SPECC1L: variants seen among roughly 807,000 people sequenced by gnomAD.
SPECC1L encodes cytospin-A.
In SPECC1L, 40 loss-of-function variants were observed where a neutral mutation model predicts 116.8. The observed-to-expected ratio is 0.34, with a 90% confidence interval of 0.27 to 0.45. The LOEUF is 0.45. SPECC1L is among the 20% of genes least tolerant of loss of function. The pLI is 1.00. For synonymous variants in SPECC1L, 504 were observed against 500.6 expected (o/e 1.01, Z -0.09); for missense variants, 1,110 against 1,373.6 (o/e 0.81, Z 3.03).
chr22:24,367,416 T>C (rs769505525), intron 13 of SPECC1L, among the ~76,000 whole-genome samples: 4 of 151,936 alleles, frequency 2.6e-5, no homozygotes, highest in Admixed American at 6.6e-5. Context: ...TCTTAAAATA[T>C]TATGAGATTT....
intron 13 of SPECC1L, among the ~76,000 whole-genome samples, chr22:24,366,462 G>A (rs1292865687): frequency 6.6e-6 from 1 of 152,092 alleles, no homozygotes; most frequent in Non-Finnish European, 1.5e-5. Flanking sequence ...CAAAGTGCTG[G>A]GATTACAGGT....
At position 24,401,395 on chromosome 22, in the gene SPECC1L, C is replaced by A. The variant is rs187653124; in HGVS notation, c.3088-10193C>A. Reference sequence around the variant, plus strand: ...CAGTTCATGTTTTTGGCAGAAACATCTCAGCTGTGGAGTTCTGTCCATTCG... The same window carrying A: ...CAGTTCATGTTTTTGGCAGAAACATATCAGCTGTGGAGTTCTGTCCATTCG... On this transcript the variant is annotated intron_variant, in intron 14 of 16. Coordinates refer to ENST00000314328, the MANE Select transcript of SPECC1L (RefSeq NM_015330.6). 5.9e-5 allele frequency among the ~76,000 whole-genome samples: 9 copies of A among 152,324 alleles called. No individual in the cohort carries two copies. The East Asian group carries it at 1.7e-3, about 29-fold the overall frequency.
chr22:24,378,324 G>A (rs1168666098), intron 14 of SPECC1L, among the ~76,000 whole-genome samples: 4 of 152,234 alleles, frequency 2.6e-5, no homozygotes, highest in African/African-American at 9.6e-5. Context: ...TTCAGCTTTG[G>A]CTTAAGGGAA....
intron 3 of SPECC1L, among the ~76,000 whole-genome samples, chr22:24,303,192 C>G (rs1452451730): frequency 6.6e-6 from 1 of 152,082 alleles, no homozygotes; most frequent in East Asian, 1.9e-4. Flanking sequence ...AGAAGGAACT[C>G]AGGAACAGCC....
rs760656737 is a variant in SPECC1L at position 24,321,844 on chromosome 22, G to A, written c.864G>A (p.Leu288=). The A allele has an allele frequency of 1.9e-6, 3 of 1,614,116 alleles. No individual in the cohort carries two copies. The highest frequency in any genetic ancestry group is 1.3e-5 in the African/African-American group (1 of 74,940). The change falls in exon 5 of 17, where the codon CTG becomes CTA. Residue 288 remains leucine, a synonymous_variant. Coordinates refer to ENST00000314328, the MANE Select transcript of SPECC1L (RefSeq NM_015330.6). ...AGAGGTTAGACAATTCTGAAAAACT[G>A]TTTGGCTATCAGTCCCTGAGCCCAG... is the stretch of plus-strand genomic sequence containing the variant. ...LEQRLDNSEK[L]FGYQSLSPEI... is the part of the protein sequence containing the mutation.
chr22:24,407,408 G>C (rs562920529), intron 14 of SPECC1L, among the ~76,000 whole-genome samples: 51 of 152,294 alleles, frequency 3.3e-4, no homozygotes, highest in Non-Finnish European at 5.7e-4. Context: ...GGAAGCGGAG[G>C]GGGAAGGCTG....
At chr22:24,277,565 A>G (rs929071603) in intron 2 of SPECC1L, among the ~76,000 whole-genome samples, 1 of 152,184 alleles carries the variant, frequency 6.6e-6, no homozygotes, top group African/African-American at 2.4e-5. Flanking sequence ...CTGGGCAGTC[A>G]CTGATCTTTG....
intron 10 of SPECC1L, 65 bp from the exon 11 acceptor site, chr22:24,347,021 C>T (rs777649859): frequency 9.3e-5 from 112 of 1,198,218 alleles, no homozygotes; most frequent in Middle Eastern, 1.9e-4. Context: ...CTACTCTGTG[C>T]GGCATTTACT....
chr22:24,394,363 G>A (rs939742118), intron 14 of SPECC1L, among the ~76,000 whole-genome samples: 4 of 152,200 alleles, frequency 2.6e-5, no homozygotes, highest in Non-Finnish European at 4.4e-5. Context: ...TAAAGAGAAT[G>A]AGAGAGCTGT....
chr22:24,313,554 A>G, intron 4 of SPECC1L, 88 bp downstream of exon 4: 1 of 1,494,282 alleles, frequency 6.7e-7, no homozygotes, highest in Non-Finnish European at 9.3e-7. Flanking sequence ...CCATCTAATT[A>G]TAGGAAATTT....
chr22:24,383,304 C>T (rs548508712), intron 14 of SPECC1L, among the ~76,000 whole-genome samples: 1 of 152,300 alleles, frequency 6.6e-6, no homozygotes, highest in East Asian at 1.9e-4. Flanking sequence ...TGACCAGGCA[C>T]AGTGGCTCAT....
intron 14 of SPECC1L, among the ~76,000 whole-genome samples, chr22:24,380,134 G>C (rs1221282612): frequency 6.6e-6 from 1 of 152,182 alleles, no homozygotes; most frequent in Non-Finnish European, 1.5e-5. Flanking sequence ...GCCTCCCAAA[G>C]TGCTGGGATT....
At chr22:24,395,236 G>A (rs961226426) in intron 14 of SPECC1L, among the ~76,000 whole-genome samples, 2 of 152,172 alleles carry the variant, frequency 1.3e-5, no homozygotes. Context: ...AGATCACAAC[G>A]ATTTTCTCCT....
intron 5 of SPECC1L, 36 bp downstream of exon 5, chr22:24,322,954 A>T: frequency 6.2e-7 from 1 of 1,612,086 alleles, no homozygotes; most frequent in Non-Finnish European, 8.5e-7. Context: ...TCCGGACAGC[A>T]TTAGGCAGCT....
rs142958809 is a variant in SPECC1L at position 24,319,122 on chromosome 22, C to T, written c.308-2166C>T. Among the ~76,000 whole-genome samples the T allele has an allele frequency of 8.7e-4, 133 of 152,240 alleles. 1 individual carries two copies. In the East Asian group the frequency reaches 0.02, roughly 23 times the overall value. On this transcript the variant is annotated intron_variant, in intron 4 of 16. Transcript: ENST00000314328. ...TCCTCCTCTGCTGCTCTGCTTTCTT[C>T]CTTATGTATTCCACTTAGAATCTGT...
intron 14 of SPECC1L, among the ~76,000 whole-genome samples, chr22:24,410,069 A>C (rs1422216298): frequency 8.5e-5 from 13 of 152,266 alleles, no homozygotes; most frequent in Admixed American, 8.5e-4. Flanking sequence ...CATGGAGAGC[A>C]CATAGCCGGC....
intron 14 of SPECC1L, among the ~76,000 whole-genome samples, chr22:24,396,720 A>C (rs1035964335): frequency 6.6e-6 from 1 of 152,172 alleles, no homozygotes; most frequent in Non-Finnish European, 1.5e-5. Flanking sequence ...ACACTCATTT[A>C]CTGTACTGCA....
At chr22:24,383,557 G>A (rs1395402732) in intron 14 of SPECC1L, among the ~76,000 whole-genome samples, 7 of 152,172 alleles carry the variant, frequency 4.6e-5, no homozygotes, top group Non-Finnish European at 1.0e-4. Context: ...CAATTTATGA[G>A]TTTAAGGAAA....
chr22:24,322,065 C>T lies in SPECC1L; in HGVS notation c.1085C>T (p.Ala362Val), dbSNP rs774478874. The change falls in exon 5 of 17, where the codon GCG becomes GTG. Residue 362 changes from alanine (A) to valine (V), a missense_variant. This residue lies in a region of SPECC1L where 437 missense variants were observed against 482.6 expected (regional missense o/e 0.91). Transcript: ENST00000314328. ...VYQPLTSSDD[A>V]LDAPSSSESE... ...CAGCCCCTCACATCGAGCGATGATG[C>T]GCTGGATGCACCATCCTCCTCAGAG... is the stretch of plus-strand genomic sequence containing the variant. 2.5e-6 allele frequency: 4 copies of T among 1,614,152 alleles called. No homozygotes were observed. The highest frequency in any genetic ancestry group is 2.2e-5 in the East Asian group (1 of 44,874).
Sources: gnomAD v4.1 joint callset for allele counts (sites outside exome capture counted in the v4.1 genomes callset) on GRCh38, gnomAD v4.1.1 for gene constraint, gnomAD v4.1.1 regional missense constraint, MANE v1.5 for transcripts, NCBI Gene and HGNC (gene_info 2026-07-23, HGNC 2026-07-21) for gene names.